PPP1R13L: variants seen among roughly 807,000 people sequenced by gnomAD.
PPP1R13L encodes the protein relA-associated inhibitor.
Under a neutral mutation model 80.9 loss-of-function variants are expected in PPP1R13L, and 50 were observed. That is an observed-to-expected ratio of 0.62 (90% CI 0.49 to 0.78). The LOEUF (loss-of-function observed/expected upper bound fraction) is 0.78, where lower values mean the gene tolerates loss of function less well. Ranked by LOEUF, PPP1R13L falls within the 30% of genes least tolerant of loss-of-function variation. The pLI, the probability that PPP1R13L is intolerant of heterozygous loss-of-function variation, is 0.00. For synonymous variants in PPP1R13L, 602 were observed against 534.3 expected (o/e 1.13, Z -1.75); for missense variants, 1,200 against 1,205.9 (o/e 1.00, Z 0.07).
intron 12 of PPP1R13L, among the ~76,000 whole-genome samples, chr19:45,381,417 CTT>C (rs990152029): frequency 6.6e-6 from 1 of 152,026 alleles, no homozygotes; most frequent in Non-Finnish European, 1.5e-5. Flanking sequence ...GAGGTCCAGT[CTT>C]TTGCCCTCTC....
chr19:45,383,910 C>G (rs540889558), intron 11 of PPP1R13L, among the ~76,000 whole-genome samples: 3 of 151,638 alleles, frequency 2.0e-5, no homozygotes, highest in Non-Finnish European at 4.4e-5. Context: ...TACAGGCCCA[C>G]GCCGCTACAC....
chr19:45,385,201 C>T (rs1346268863), intron 11 of PPP1R13L, among the ~76,000 whole-genome samples: 2 of 152,180 alleles, frequency 1.3e-5, no homozygotes, highest in Non-Finnish European at 2.9e-5. Flanking sequence ...TGTGGCAATG[C>T]CTCTCCCACA....
Position 45,396,978 on chromosome 19 carries a change from T to C in PPP1R13L, c.279A>G (p.Ala93=). The C allele has an allele frequency of 1.4e-6, 2 of 1,387,626 alleles. No individual in the cohort carries two copies. The highest frequency in any genetic ancestry group is 1.8e-5 in the South Asian group (1 of 56,696). The allele number at this position is 1,387,626 out of a possible 1,614,324, so 86.0% of individuals were successfully genotyped here. A position where few individuals can be genotyped will look rare whatever the true frequency, so the allele number is the denominator to read the frequency against. Residue 93 remains alanine, a synonymous_variant, in exon 4 of 13, where the codon GCA becomes GCG. Coordinates refer to ENST00000360957, the MANE Select transcript of PPP1R13L (RefSeq NM_006663.4). This position sits in a 1 kb window ranked among gnomAD's most constrained non-coding sequence, Gnocchi z 5.3. ...GSPRKAATDG[A]DTPFGRSESA... Reference sequence around the variant, plus strand: ...TCTCTGATCGTCCGAACGGGGTGTCTGCGCCGTCGGTGGCCGCCTTCCGGG... The same window carrying C: ...TCTCTGATCGTCCGAACGGGGTGTCCGCGCCGTCGGTGGCCGCCTTCCGGG...
At chr19:45,380,739 A>T (rs1057510283) in intron 12 of PPP1R13L, among the ~76,000 whole-genome samples, 6 of 151,882 alleles carry the variant, frequency 4.0e-5, no homozygotes, top group African/African-American at 1.2e-4. Context: ...GAATCACTTG[A>T]ATCCGGGAGG....
At chr19:45,381,072 T>C (rs1246335414) in intron 12 of PPP1R13L, among the ~76,000 whole-genome samples, 1 of 148,082 alleles carries the variant, frequency 6.8e-6, no homozygotes, top group Non-Finnish European at 1.5e-5. Flanking sequence ...TATATTTATA[T>C]ATAACATATA....
Position 45,386,034 on chromosome 19 carries a change from C to A in PPP1R13L, c.1947+15G>T. ...ATGCCCCCGCCGTGCCCACCTCCCGCTCAGCAGCGCTCACCTCCTTCACCG... is the reference window on the plus strand; with the variant it reads ...ATGCCCCCGCCGTGCCCACCTCCCGATCAGCAGCGCTCACCTCCTTCACCG... On this transcript the variant is annotated intron_variant, in intron 9 of 12. Coordinates refer to ENST00000360957, the MANE Select transcript of PPP1R13L (RefSeq NM_006663.4). 1 of 1,588,876 alleles carries A rather than the reference C, an allele frequency of 6.3e-7. No individual in the cohort carries two copies. Among genetic ancestry groups the A allele is most frequent in the South Asian group, 1.1e-5 (1 of 88,314 alleles).
In PPP1R13L at chr19:45,395,240, AGGGTCCACAC is replaced by A. The variant is rs748691146; in HGVS notation, c.1354+186_1354+195del. 315 of 688,494 alleles carry A rather than the reference AGGGTCCACAC, an allele frequency of 4.6e-4. 3 individuals are homozygous for A. Among genetic ancestry groups the A allele is most frequent in the Middle Eastern group, 3.8e-3 (16 of 4,174 alleles). 42.6% of individuals were successfully genotyped at this position (688,494 alleles called of 1,614,324 possible). A position where few individuals can be genotyped will look rare whatever the true frequency, so the allele number is the denominator to read the frequency against. On this transcript the variant is annotated intron_variant, in intron 7 of 12. Coordinates refer to ENST00000360957, the MANE Select transcript of PPP1R13L (RefSeq NM_006663.4). ...GCGTGGAACCAGGCAGTCTGGCTTCAGGGTCCACACTTAACCTTTGAGCTATCCCTGGCTC... is the reference window on the plus strand; with the variant it reads ...GCGTGGAACCAGGCAGTCTGGCTTCATTAACCTTTGAGCTATCCCTGGCTC...
Position 45,379,969 on chromosome 19 carries a change from C to G in PPP1R13L, c.*221G>C, listed in dbSNP as rs1462186646. On this transcript the variant is annotated 3_prime_UTR_variant, in exon 13 of 13. Transcript: ENST00000360957. ...AGTGGTTTCCTGTCCCCAGTGATTT[C>G]CAGCCCTTCCCAGACCTCCCAAGGC... 2.1e-6 allele frequency: 1 copy of G among 477,118 alleles called. No homozygotes were observed. The highest frequency in any genetic ancestry group is 2.0e-5 in the African/African-American group (1 of 50,276). 29.6% of individuals were successfully genotyped at this position (477,118 alleles called of 1,614,324 possible).
At chr19:45,383,064 G>A (rs1167591518) in intron 11 of PPP1R13L, among the ~76,000 whole-genome samples, 1 of 142,460 alleles carries the variant, frequency 7.0e-6, no homozygotes, top group Non-Finnish European at 1.5e-5. Flanking sequence ...GCACGATCTC[G>A]GCTCACTGCA....
rs1972849078 is a variant in PPP1R13L at position 45,385,587 on chromosome 19, A to G, written c.2223T>C (p.Tyr741=). Residue 741 remains tyrosine (Y), a synonymous_variant, in exon 11 of 13, where the codon TAT becomes TAC. Coordinates refer to ENST00000360957, the MANE Select transcript of PPP1R13L (RefSeq NM_006663.4). ...CTGCCAGGTAGGTGGCGCAGTCAGC[A>G]TAACCCTCGCGGTAAGGGTCGCACT... The part of the protein sequence containing the change: ...FEKCDPYREG[Y]ADCATYLADV... 1.2e-6 allele frequency: 2 copies of G among 1,612,864 alleles called. No homozygotes were observed. The highest frequency in any genetic ancestry group is 1.7e-5 in the Admixed American group (1 of 59,980).
chr19:45,384,856 T>A (rs1306903730), intron 11 of PPP1R13L, among the ~76,000 whole-genome samples: 1 of 151,738 alleles, frequency 6.6e-6, no homozygotes, highest in African/African-American at 2.4e-5. Flanking sequence ...GTCTCAAAAA[T>A]AATAATAAAT....
chr19:45,392,490 G>A (rs1056566164), intron 7 of PPP1R13L, 150 bp from the exon 8 acceptor site: 2 of 816,524 alleles, frequency 2.4e-6, no homozygotes, highest in Admixed American at 2.0e-5. Flanking sequence ...CTTTCCTTGG[G>A]CTGTGAATAA....
Position 45,380,588 on chromosome 19 carries a change from T to G in PPP1R13L, c.2449-360A>C, listed in dbSNP as rs143177729. On this transcript the variant is annotated intron_variant, in intron 12 of 12. Coordinates refer to ENST00000360957, the MANE Select transcript of PPP1R13L (RefSeq NM_006663.4). ...ATCCCAGCAGTTTGGGAGGCCGAGG[T>G]GGGTGGATGACCTGAGCTCAGGAGT... Among the ~76,000 whole-genome samples, 19 of 151,862 alleles carry G rather than the reference T, an allele frequency of 1.3e-4. 1 individual carries two copies. The East Asian group carries it at 3.7e-3, about 29-fold the overall frequency.
At chr19:45,391,813 G>C in intron 8 of PPP1R13L, 67 bp downstream of exon 8, 1 of 1,248,130 alleles carries the variant, frequency 8.0e-7, no homozygotes, top group Non-Finnish European at 1.1e-6. Context: ...TATATTTGGG[G>C]GGCTCTTTGC....
rs778871541 is a variant in PPP1R13L at position 45,396,180 on chromosome 19, C to T, written c.891G>A (p.Gly297=). 1 of 1,609,206 alleles carries T rather than the reference C, an allele frequency of 6.2e-7. No homozygotes were observed. The highest frequency in any genetic ancestry group is 8.5e-7 in the Non-Finnish European group (1 of 1,178,744). ...GTCGCCTCCTCACCTTGCCGGTGCC[C>T]CCCAGTCCATCCAGGCTGCTCTCCC... is the stretch of plus-strand genomic sequence containing the variant. ...PWRESSLDGL[G]GTGKDNLTSA... is the part of the protein sequence containing the mutation. The change falls in exon 6 of 13, where the codon GGG becomes GGA. Residue 297 remains glycine (G), a synonymous_variant. Transcript: ENST00000360957. The surrounding 1 kb of genome is among the most constrained non-coding windows in gnomAD (Gnocchi z 5.3).
chr19:45,397,720 G>A (rs543009664), intron 3 of PPP1R13L, among the ~76,000 whole-genome samples: 6 of 151,756 alleles, frequency 4.0e-5, no homozygotes, highest in Middle Eastern at 3.4e-3. Flanking sequence ...TGAAAGTGTT[G>A]AGATTACAGG....
At chr19:45,383,070 C>T (rs1386897494) in intron 11 of PPP1R13L, among the ~76,000 whole-genome samples, 1 of 147,534 alleles carries the variant, frequency 6.8e-6, no homozygotes, top group Non-Finnish European at 1.5e-5. Context: ...TCTCGGCTCA[C>T]TGCAACCTCC....
At chr19:45,382,387 T>A in intron 12 of PPP1R13L, 140 bp downstream of exon 12, 1 of 984,392 alleles carries the variant, frequency 1.0e-6, no homozygotes, top group Middle Eastern at 3.3e-4. Flanking sequence ...CTCCTCCCCA[T>A]GAGCAATAAT....
In PPP1R13L at chr19:45,392,114, C is replaced by A. The variant is rs754685704; in HGVS notation, c.1581G>T (p.Met527Ile). 7 of 1,563,270 alleles carry A rather than the reference C, an allele frequency of 4.5e-6. No homozygotes were observed. The highest frequency in any genetic ancestry group is 6.1e-6 in the Non-Finnish European group (7 of 1,153,142). ...IPRPLKRRGS[M>I]EQAPAVALPP... ...GCAGGGCCACAGCAGGGGCCTGCTC[C>A]ATGGAGCCCCTGCGTTTGAGGGGCC... is the stretch of plus-strand genomic sequence containing the variant. The change falls in exon 8 of 13, where the codon ATG becomes ATT. Residue 527 changes from methionine to isoleucine, a missense_variant. Transcript: ENST00000360957.
Sources: allele counts gnomAD v4.1 joint callset (sites outside exome capture counted in the v4.1 genomes callset), GRCh38; gene constraint gnomAD v4.1.1; non-coding constraint Gnocchi (gnomAD v3.1); transcripts MANE v1.5; gene names NCBI Gene and HGNC (gene_info 2026-07-23, HGNC 2026-07-21).